Variants in DZIP3 observed in about 807,000 individuals in gnomAD.
DZIP3 encodes E3 ubiquitin-protein ligase DZIP3.
A neutral mutation model predicts 162.0 loss-of-function variants in DZIP3; 118 were observed. That is an observed-to-expected ratio of 0.73 (90% CI 0.63 to 0.85). The LOEUF (loss-of-function observed/expected upper bound fraction) is 0.85, where lower values mean the gene tolerates loss of function less well. Ranked by LOEUF, DZIP3 falls within the 40% of genes least tolerant of loss-of-function variation. The pLI, the probability that DZIP3 is intolerant of heterozygous loss-of-function variation, is 0.00. For missense variants in DZIP3, 1,331 were observed against 1,407.0 expected, an observed-to-expected ratio of 0.95 and a Z score of 0.86; for synonymous variants, 438 against 458.6, an observed-to-expected ratio of 0.96 and a Z score of 0.57.
intron 14 of DZIP3, 27 bp from the exon 15 acceptor site, chr3:108,646,590 T>G: frequency 6.5e-7 from 1 of 1,534,416 alleles, no homozygotes; most frequent in Non-Finnish European, 9.0e-7. Context: ...CAATTGTACA[T>G]CTAAAATTTT....
At chr3:108,681,550 T>C (rs1262987996) in intron 26 of DZIP3, among the ~76,000 whole-genome samples, 4 of 151,976 alleles carry the variant, frequency 2.6e-5, no homozygotes, top group Admixed American at 6.6e-5. Context: ...GAACCAGAAA[T>C]ACCATTTGAC....
At chr3:108,612,101 T>C (rs1940744885) in intron 4 of DZIP3, among the ~76,000 whole-genome samples, 1 of 152,186 alleles carries the variant, frequency 6.6e-6, no homozygotes, top group Non-Finnish European at 1.5e-5. Flanking sequence ...TTCTGTATAA[T>C]TTGTGGTAAC....
chr3:108,663,570 A>AG (rs1943541304), intron 21 of DZIP3, among the ~76,000 whole-genome samples: 1 of 151,862 alleles, frequency 6.6e-6, no homozygotes, highest in African/African-American at 2.4e-5. Flanking sequence ...AAAAAAAAAA[A>AG]AAGAAACTGT....
intron 4 of DZIP3, among the ~76,000 whole-genome samples, chr3:108,613,736 A>G (rs1295592547): frequency 2.6e-5 from 4 of 152,182 alleles, no homozygotes; most frequent in South Asian, 4.1e-4. Context: ...GCCATATGCT[A>G]GGTCACAAAG....
chr3:108,655,737 C>T (rs1294289539), intron 19 of DZIP3, among the ~76,000 whole-genome samples: 1 of 152,158 alleles, frequency 6.6e-6, no homozygotes, highest in Non-Finnish European at 1.5e-5. Context: ...TCAGGGAATT[C>T]CCTTTCCTAG....
At chr3:108,628,076 A>AC (rs1941668176) in intron 7 of DZIP3, among the ~76,000 whole-genome samples, 1 of 151,782 alleles carries the variant, frequency 6.6e-6, no homozygotes, top group African/African-American at 2.4e-5. Flanking sequence ...ATGGGGTTTC[A>AC]CTATGTTGGT....
At chr3:108,661,812 C>A in intron 19 of DZIP3, 65 bp from the exon 20 acceptor site, 1 of 1,327,274 alleles carries the variant, frequency 7.5e-7, no homozygotes, top group South Asian at 1.3e-5. Context: ...ACTTTAAATC[C>A]CTTTCAAATA....
chr3:108,641,673 C>T (rs1942407761), intron 12 of DZIP3, among the ~76,000 whole-genome samples: 1 of 152,098 alleles, frequency 6.6e-6, no homozygotes. Flanking sequence ...TGGGAGATAC[C>T]TTTTACTCAG....
chr3:108,655,945 G>A (rs1943094866), intron 19 of DZIP3, among the ~76,000 whole-genome samples: 1 of 152,198 alleles, frequency 6.6e-6, no homozygotes, highest in East Asian at 1.9e-4. Flanking sequence ...CGAGGCTAGG[G>A]GAGGGGCGTC....
At chr3:108,598,014 T>C (rs1298169084) in intron 1 of DZIP3, among the ~76,000 whole-genome samples, 1 of 152,206 alleles carries the variant, frequency 6.6e-6, no homozygotes, top group African/African-American at 2.4e-5. Flanking sequence ...TGAATTGTTT[T>C]GTTGAATAGA....
Position 108,650,036 on chromosome 3 carries a change from G to A in DZIP3, c.2007+1074G>A, listed in dbSNP as rs561206131. ...CATGGGTCTAATACTACATAAAACT[G>A]GCCAAGTAAATTCACAGCTGTCAAA... is the stretch of plus-strand genomic sequence containing the variant. On this transcript the variant is annotated intron_variant, in intron 17 of 32. Coordinates refer to ENST00000361582, the MANE Select transcript of DZIP3 (RefSeq NM_014648.4). Among the ~76,000 whole-genome samples the A allele has an allele frequency of 1.4e-4, 22 of 151,802 alleles. No individual in the cohort carries two copies. In the South Asian group the frequency reaches 4.6e-3, roughly 32 times the overall value.
Position 108,646,628 on chromosome 3 carries a change from C to A in DZIP3, c.1771C>A (p.Gln591Lys). ...TTTATGTATTATAGGAATTGCTCTA[C>A]AGTCAATAACAGGCAGTCAGCGTAA... The part of the protein sequence containing the change: ...LSCYQQGIAL[Q>K]SITGSQRIEI... The change falls in exon 15 of 33, where the codon CAG becomes AAG. Residue 591 changes from glutamine (Q) to lysine (K), a missense_variant. Coordinates refer to ENST00000361582, the MANE Select transcript of DZIP3 (RefSeq NM_014648.4). 6.4e-7 allele frequency: 1 copy of A among 1,565,352 alleles called. No individual in the cohort carries two copies. Among genetic ancestry groups the A allele is most frequent in the African/African-American group, 1.4e-5 (1 of 71,350 alleles).
intron 26 of DZIP3, among the ~76,000 whole-genome samples, chr3:108,682,628 A>G (rs1944361846): frequency 6.6e-6 from 1 of 150,804 alleles, no homozygotes; most frequent in Non-Finnish European, 1.5e-5. Flanking sequence ...GATGGAAGGC[A>G]AGCACAGGGA....
chr3:108,626,397 A>T (rs932530381), intron 7 of DZIP3, among the ~76,000 whole-genome samples: 1 of 152,208 alleles, frequency 6.6e-6, no homozygotes, highest in Non-Finnish European at 1.5e-5. Flanking sequence ...TAAATAAATT[A>T]TGGTTGGAGT....
At position 108,672,549 on chromosome 3, in the gene DZIP3, A is replaced by G. The variant is rs752503626; in HGVS notation, c.2493-11A>G. On this transcript the variant is annotated splice_polypyrimidine_tract_variant and intron_variant, in intron 22 of 32. Transcript: ENST00000361582. ...GTAATATTGCGAGTCTTTAATGATC[A>G]TGTATTTCAGATCTCAGTGGGAAAT... 4 of 1,606,544 alleles carry G rather than the reference A, an allele frequency of 2.5e-6. No individual in the cohort carries two copies. The highest frequency in any genetic ancestry group is 3.4e-6 in the Non-Finnish European group (4 of 1,173,950).
intron 1 of DZIP3, chr3:108,603,335 T>C (rs2107469168): frequency 1.3e-5 from 2 of 152,330 alleles, no homozygotes; most frequent in Middle Eastern, 6.8e-3. Context: ...AAATCCTCAG[T>C]TATGTCTTTT....
chr3:108,652,219 GAAGTA>G (rs570068660), intron 18 of DZIP3, among the ~76,000 whole-genome samples: 2 of 151,854 alleles, frequency 1.3e-5, no homozygotes, highest in African/African-American at 4.8e-5. Flanking sequence ...AATATACACA[GAAGTA>G]AAGAGAATAG....
chr3:108,687,912 G>T (rs1330330211), intron 28 of DZIP3, 64 bp from the exon 29 acceptor site: 1 of 1,593,230 alleles, frequency 6.3e-7, no homozygotes, highest in African/African-American at 1.3e-5. Context: ...TCCTTTGGTG[G>T]GTACATCCTC....
intron 2 of DZIP3, 129 bp downstream of exon 2, chr3:108,605,567 TAGATTCTCACAAGG>T (rs1940303847): frequency 3.3e-6 from 3 of 906,902 alleles, no homozygotes; most frequent in African/African-American, 1.7e-5. Context: ...CATCAGGCAT[TAGATTCTCACAAGG>T]AGTGGGCAAC....
Sources: gnomAD v4.1 joint callset for allele counts (sites outside exome capture counted in the v4.1 genomes callset) on GRCh38, gnomAD v4.1.1 for gene constraint, MANE v1.5 for transcripts, NCBI Gene and HGNC (gene_info 2026-07-23, HGNC 2026-07-21) for gene names.